Variants in CAMKMT observed in about 807,000 individuals in gnomAD.
The protein encoded by CAMKMT is CaM KMT.
In CAMKMT, 53 loss-of-function variants were observed where a neutral mutation model predicts 48.0. That is an observed-to-expected ratio of 1.10 (90% CI 0.89 to 1.39). CAMKMT has a LOEUF of 1.39. CAMKMT is among the 40% of genes most tolerant of loss of function. The probability of loss-of-function intolerance (pLI) is 0.00; values close to 1 mark genes in which losing one functional copy is unlikely to be tolerated. For synonymous variants in CAMKMT, 165 were observed against 152.3 expected (o/e 1.08, Z -0.61); for missense variants, 428 against 402.7 (o/e 1.06, Z -0.54).
chr2:44,723,637 TAAA>T (rs1558819085), intron 7 of CAMKMT: 2 of 150,014 alleles, frequency 1.3e-5, no homozygotes, highest in East Asian at 3.9e-4. Flanking sequence ...AATAAATAAA[TAAA>T]TAAATAAATA....
chr2:44,402,759 T>TTA lies in CAMKMT; in HGVS notation c.376+12454_376+12455insTA, dbSNP rs1682506796. Among the ~76,000 whole-genome samples, 263 of 140,138 alleles carry TTA rather than the reference T, an allele frequency of 1.9e-3. 1 individual carries two copies. Among genetic ancestry groups the TTA allele is most frequent in the Non-Finnish European group, 3.5e-3 (224 of 64,760 alleles). 91.9% of individuals were successfully genotyped at this position (140,138 alleles called of 152,430 possible). On this transcript the variant is annotated intron_variant, in intron 3 of 10. Coordinates refer to ENST00000378494, the MANE Select transcript of CAMKMT (RefSeq NM_024766.5). ...TTTGCTGTTTTTTTTTTTTTTTTTT[T>TTA]ACTTTTTCTTTACTTTTAACCTTTC... is the stretch of plus-strand genomic sequence containing the variant.
chr2:44,566,135 T>A (rs1436650385), intron 3 of CAMKMT, among the ~76,000 whole-genome samples: 1 of 152,208 alleles, frequency 6.6e-6, no homozygotes, highest in African/African-American at 2.4e-5. Context: ...CTGGCACATC[T>A]CCATACAGCA....
intron 3 of CAMKMT, among the ~76,000 whole-genome samples, chr2:44,428,562 C>T (rs1180398871): frequency 6.6e-6 from 1 of 152,242 alleles, no homozygotes; most frequent in Non-Finnish European, 1.5e-5. Flanking sequence ...GGACCCCACC[C>T]TTTTCTACTC....
chr2:44,759,205 C>A (rs1326357630), intron 9 of CAMKMT, among the ~76,000 whole-genome samples: 4 of 152,292 alleles, frequency 2.6e-5, no homozygotes, highest in African/African-American at 9.6e-5. Flanking sequence ...CTCACTGAAG[C>A]CACAAACTCC....
chr2:44,527,413 ATTATATATATATATATAT>A (rs1666199230), intron 3 of CAMKMT, among the ~76,000 whole-genome samples: 2 of 114,062 alleles, frequency 1.8e-5, no homozygotes, highest in African/African-American at 6.6e-5. Flanking sequence ...ACGTATATAT[ATTATATATATATATATAT>A]TTTTTTTTTT....
chr2:44,409,444 G>T (rs1683041109), intron 3 of CAMKMT, among the ~76,000 whole-genome samples: 1 of 151,928 alleles, frequency 6.6e-6, no homozygotes. Flanking sequence ...ATCTCCTCTT[G>T]AAATTTCACA....
At chr2:44,394,620 G>C (rs1164023218) in intron 3 of CAMKMT, among the ~76,000 whole-genome samples, 1 of 151,962 alleles carries the variant, frequency 6.6e-6, no homozygotes. Context: ...TAGAGACGGA[G>C]TTTCACCATG....
rs147141252 is a variant in CAMKMT, at chr2:44,571,608, A to G, written c.377-132675A>G. ...TATGTAGTGGGTTTCAGTTGTTTGC[A>G]CGTTATTCATGACCAATATTATGTA... On this transcript the variant is annotated intron_variant, in intron 3 of 10. Transcript: ENST00000378494. Among the ~76,000 whole-genome samples the G allele has an allele frequency of 8.7e-3, 1,319 of 152,286 alleles. 21 individuals are homozygous for G. The highest frequency in any genetic ancestry group is 0.08 in the South Asian group (388 of 4,820).
intron 3 of CAMKMT, among the ~76,000 whole-genome samples, chr2:44,640,934 C>T (rs1359352093): frequency 6.6e-6 from 1 of 152,152 alleles, no homozygotes; most frequent in Non-Finnish European, 1.5e-5. Flanking sequence ...CATGATCTTC[C>T]TGGGCTATAT....
At chr2:44,600,160 A>G (rs1670898293) in intron 3 of CAMKMT, among the ~76,000 whole-genome samples, 1 of 152,106 alleles carries the variant, frequency 6.6e-6, no homozygotes, top group Non-Finnish European at 1.5e-5. Flanking sequence ...TCTTTTTTTC[A>G]GATTCAGAGT....
chr2:44,537,924 A>C (rs974182854), intron 3 of CAMKMT, among the ~76,000 whole-genome samples: 1 of 152,192 alleles, frequency 6.6e-6, no homozygotes, highest in South Asian at 2.1e-4. Flanking sequence ...AAGTAGATCT[A>C]CCATTCAATC....
intron 3 of CAMKMT, among the ~76,000 whole-genome samples, chr2:44,661,527 G>T (rs142055226): frequency 0.02 from 3,014 of 152,112 alleles, 33 homozygotes; most frequent in Non-Finnish European, 0.032. Context: ...TGTTGGCCAG[G>T]CTGGTCTTGA....
intron 3 of CAMKMT, among the ~76,000 whole-genome samples, chr2:44,463,524 G>A (rs1486248921): frequency 6.6e-6 from 1 of 152,118 alleles, no homozygotes; most frequent in Non-Finnish European, 1.5e-5. Context: ...TTTAGGGGGT[G>A]AAAAAGTAAG....
chr2:44,618,147 T>A lies in CAMKMT; in HGVS notation c.377-86136T>A, dbSNP rs1271637444. Reference sequence around the variant, plus strand: ...AAGCAGCAGGTGTGTTTTTAATCTTTAATAGGTCACCTTCCCAAGTGCAAG... The same window carrying A: ...AAGCAGCAGGTGTGTTTTTAATCTTAAATAGGTCACCTTCCCAAGTGCAAG... On this transcript the variant is annotated intron_variant, in intron 3 of 10. Coordinates refer to ENST00000378494, the MANE Select transcript of CAMKMT (RefSeq NM_024766.5). This position sits in a 1 kb window ranked among gnomAD's most constrained non-coding sequence, Gnocchi z 4.0. 6.6e-6 allele frequency among the ~76,000 whole-genome samples: 1 copy of A among 152,224 alleles called. No individual in the cohort carries two copies. The highest frequency in any genetic ancestry group is 1.5e-5 in the Non-Finnish European group (1 of 68,030).
intron 3 of CAMKMT, among the ~76,000 whole-genome samples, chr2:44,408,752 A>AT (rs140034422): frequency 0.054 from 8,175 of 151,590 alleles, 681 homozygotes; most frequent in African/African-American, 0.18. Flanking sequence ...TAATTAATTA[A>AT]TTTTTTTGAG....
At chr2:44,362,260 T>G (rs989695419) in intron 1 of CAMKMT, 115 bp downstream of exon 1, 5 of 980,934 alleles carry the variant, frequency 5.1e-6, no homozygotes, top group Non-Finnish European at 5.6e-6. Flanking sequence ...CCCTTCTCAG[T>G]TTGCCGGGAG....
At chr2:44,563,569 A>T (rs1451919769) in intron 3 of CAMKMT, among the ~76,000 whole-genome samples, 1 of 151,962 alleles carries the variant, frequency 6.6e-6, no homozygotes, top group Non-Finnish European at 1.5e-5. Context: ...GGTTTGCTGC[A>T]CCCATTAACT....
At chr2:44,564,694 C>T (rs4953106) in intron 3 of CAMKMT, among the ~76,000 whole-genome samples, 1 of 151,982 alleles carries the variant, frequency 6.6e-6, no homozygotes, top group East Asian at 1.9e-4. Flanking sequence ...GCATGTGCCA[C>T]CATGCCCAGC....
At chr2:44,752,570 C>A (rs892458443) in intron 8 of CAMKMT, among the ~76,000 whole-genome samples, 1 of 147,924 alleles carries the variant, frequency 6.8e-6, no homozygotes, top group African/African-American at 2.5e-5. Context: ...TAATAAACTT[C>A]CAGCTGTCTT....
Sources: allele counts gnomAD v4.1 joint callset (sites outside exome capture counted in the v4.1 genomes callset), GRCh38; gene constraint gnomAD v4.1.1; non-coding constraint Gnocchi (gnomAD v3.1); transcripts MANE v1.5; gene names NCBI Gene and HGNC (gene_info 2026-07-23, HGNC 2026-07-21).